Variants in AGBL4 observed in about 807,000 individuals in gnomAD.
AGBL4 encodes the protein AGBL carboxypeptidase 4.
In AGBL4, 58 loss-of-function variants were observed where a neutral mutation model predicts 66.4. That is an observed-to-expected ratio of 0.87 (90% CI 0.71 to 1.09). The LOEUF (loss-of-function observed/expected upper bound fraction) is 1.09. Among genes scored for constraint, AGBL4 ranks in the 50% least tolerant of loss-of-function variants. The pLI is 0.00. For missense variants in AGBL4, 579 were observed against 631.0 expected (o/e 0.92, Z 0.88); for synonymous variants, 234 against 222.9 (o/e 1.05, Z -0.44).
At chr1:49,044,506 A>AT (rs1553146447) in intron 5 of AGBL4, among the ~76,000 whole-genome samples, 35 of 152,030 alleles carry the variant, frequency 2.3e-4, no homozygotes, top group African/African-American at 8.4e-4. Context: ...AAAAAAAAAA[A>AT]GGAAGTAGGA....
chr1:48,917,691 G>A (rs144895487), intron 5 of AGBL4, among the ~76,000 whole-genome samples: 1 of 152,304 alleles, frequency 6.6e-6, no homozygotes, highest in Non-Finnish European at 1.5e-5. Flanking sequence ...ATGATATTTT[G>A]ATATAGATGC....
At chr1:49,365,927 A>G (rs930202801) in intron 3 of AGBL4, among the ~76,000 whole-genome samples, 1 of 152,140 alleles carries the variant, frequency 6.6e-6, no homozygotes, top group African/African-American at 2.4e-5. Context: ...AAAAACCTAC[A>G]AGACTGTAAA....
At chr1:49,651,765 C>A (rs1351167712) in intron 3 of AGBL4, among the ~76,000 whole-genome samples, 1 of 151,986 alleles carries the variant, frequency 6.6e-6, no homozygotes, top group African/African-American at 2.4e-5. Flanking sequence ...CTTCTTGAGA[C>A]GAGAAGGAAT....
At chr1:49,700,125 T>G (rs946978829) in intron 2 of AGBL4, among the ~76,000 whole-genome samples, 2 of 151,592 alleles carry the variant, frequency 1.3e-5, no homozygotes, top group Non-Finnish European at 3.0e-5. Context: ...ACAAAAAGAT[T>G]GAAAATAAAA....
At chr1:49,346,983 C>A (rs1362573144) in intron 3 of AGBL4, among the ~76,000 whole-genome samples, 2 of 152,082 alleles carry the variant, frequency 1.3e-5, no homozygotes, top group South Asian at 4.1e-4. Context: ...ATTTAAGAGA[C>A]CCAGGAAATA....
chr1:49,363,436 T>G (rs530267512), intron 3 of AGBL4, among the ~76,000 whole-genome samples: 113 of 152,304 alleles, frequency 7.4e-4, no homozygotes, highest in African/African-American at 2.6e-3. Flanking sequence ...TAACAAGCAT[T>G]AATGATACTT....
chr1:49,469,686 A>C (rs1030010802), intron 3 of AGBL4: 6 of 151,936 alleles, frequency 3.9e-5, no homozygotes, highest in Non-Finnish European at 5.9e-5. Context: ...AAATTTACAG[A>C]AAGTTAAAAT....
At chr1:49,657,808 T>C (rs1297525863) in intron 3 of AGBL4, among the ~76,000 whole-genome samples, 2 of 152,142 alleles carry the variant, frequency 1.3e-5, no homozygotes, top group Non-Finnish European at 2.9e-5. Context: ...TAGCCATATG[T>C]AGAAAGCTGA....
intron 3 of AGBL4, among the ~76,000 whole-genome samples, chr1:49,548,093 G>T (rs1652648913): frequency 6.6e-6 from 1 of 152,106 alleles, no homozygotes; most frequent in Non-Finnish European, 1.5e-5. Context: ...TTCTTGATTT[G>T]ATTCTCTGCT....
intron 1 of AGBL4, among the ~76,000 whole-genome samples, chr1:49,909,811 T>C (rs1004392750): frequency 2.6e-5 from 4 of 152,180 alleles, no homozygotes; most frequent in African/African-American, 9.7e-5. Flanking sequence ...CTGATATAGA[T>C]TGCTAGAGAA....
At chr1:49,566,885 G>T (rs1196495298) in intron 3 of AGBL4, among the ~76,000 whole-genome samples, 1 of 152,200 alleles carries the variant, frequency 6.6e-6, no homozygotes, top group Non-Finnish European at 1.5e-5. Context: ...TCTGTGCCCT[G>T]CCCCCAGAGG....
At chr1:49,887,138 T>G (rs1401271880) in intron 1 of AGBL4, among the ~76,000 whole-genome samples, 2 of 112,118 alleles carry the variant, frequency 1.8e-5, no homozygotes, top group Non-Finnish European at 4.5e-5. Context: ...CATTTTGTGA[T>G]ATATATATAT....
chr1:49,130,183 G>A (rs1398712224), intron 4 of AGBL4, among the ~76,000 whole-genome samples: 1 of 152,064 alleles, frequency 6.6e-6, no homozygotes, highest in Non-Finnish European at 1.5e-5. Flanking sequence ...TTGTAAATTT[G>A]TTTGAGTTCT....
chr1:49,694,411 T>A (rs996320811), intron 3 of AGBL4, among the ~76,000 whole-genome samples: 1 of 152,128 alleles, frequency 6.6e-6, no homozygotes, highest in African/African-American at 2.4e-5. Context: ...CAGATTTCCA[T>A]AATGTGATTA....
At chr1:48,674,998 T>A (rs1445980749) in intron 6 of AGBL4, among the ~76,000 whole-genome samples, 1 of 152,238 alleles carries the variant, frequency 6.6e-6, no homozygotes, top group African/African-American at 2.4e-5. Context: ...AGAAGCCCTG[T>A]CTTATTCATA....
chr1:49,937,438 G>C (rs959359790), intron 1 of AGBL4, among the ~76,000 whole-genome samples: 1 of 151,994 alleles, frequency 6.6e-6, no homozygotes, highest in Admixed American at 6.6e-5. Context: ...CAACGAGACA[G>C]AAAGTTAACA....
chr1:49,336,217 C>G (rs1266134592), intron 3 of AGBL4, among the ~76,000 whole-genome samples: 1 of 151,760 alleles, frequency 6.6e-6, no homozygotes, highest in African/African-American at 2.4e-5. Flanking sequence ...CCAAAGCCCC[C>G]CCTGAGAATC....
At chr1:48,971,470 A>T (rs1363396850) in intron 5 of AGBL4, among the ~76,000 whole-genome samples, 2 of 152,150 alleles carry the variant, frequency 1.3e-5, no homozygotes, top group African/African-American at 4.8e-5. Context: ...ATGAAATAGT[A>T]TTGAGGGGAA....
chr1:48,542,973 A>G (rs140807918), intron 11 of AGBL4, among the ~76,000 whole-genome samples: 21 of 152,284 alleles, frequency 1.4e-4, no homozygotes, highest in African/African-American at 4.1e-4. Context: ...CAATAACCCA[A>G]TGAAGTAGGT....
Sources: allele counts gnomAD v4.1 joint callset (sites outside exome capture counted in the v4.1 genomes callset), GRCh38; gene constraint gnomAD v4.1.1; transcripts MANE v1.5; gene names NCBI Gene and HGNC (gene_info 2026-07-23, HGNC 2026-07-21).